ADGRL3: variants seen among roughly 807,000 people sequenced by gnomAD.
ADGRL3 encodes the protein calcium-independent alpha-latrotoxin receptor 3.
ADGRL3 carries 62 observed loss-of-function variants against 153.5 expected under a neutral mutation model. That is an observed-to-expected ratio of 0.40 (90% CI 0.33 to 0.50). The LOEUF (loss-of-function observed/expected upper bound fraction) is 0.50. Among genes scored for constraint, ADGRL3 ranks in the 20% least tolerant of loss-of-function variants. The pLI is 0.47. For missense variants in ADGRL3, 1,641 were observed against 1,859.4 expected, an observed-to-expected ratio of 0.88 and a Z score of 2.16; for synonymous variants, 710 against 672.5, an observed-to-expected ratio of 1.06 and a Z score of -0.86.
intron 1 of ADGRL3, among the ~76,000 whole-genome samples, chr4:61,373,038 C>T (rs2096557696): frequency 6.6e-6 from 1 of 152,220 alleles, no homozygotes; most frequent in South Asian, 2.1e-4. Context: ...AGGGAACTCC[C>T]TGACCCCTTG....
intron 21 of ADGRL3, among the ~76,000 whole-genome samples, chr4:62,003,219 G>T (rs1433704340): frequency 6.6e-6 from 1 of 152,082 alleles, no homozygotes; most frequent in Admixed American, 6.6e-5. Context: ...TCTGCATAAA[G>T]ACTTATGATG....
chr4:61,587,472 C>T lies in ADGRL3; in HGVS notation c.473+32C>T, dbSNP rs2098950841. On this transcript the variant is annotated intron_variant, in intron 5 of 26. Coordinates refer to ENST00000683033, the MANE Select transcript of ADGRL3 (RefSeq NM_001387552.1). ...TACTTCTAATATTCTTTTCTTTGTG[C>T]ACAATATAAACCTTCAACATCAATC... 3 of 1,478,724 alleles carry T rather than the reference C, an allele frequency of 2.0e-6. No homozygotes were observed. The East Asian group carries it at 6.8e-5, about 34-fold the overall frequency. 91.6% of individuals were successfully genotyped at this position (1,478,724 alleles called of 1,614,324 possible).
intron 8 of ADGRL3, among the ~76,000 whole-genome samples, chr4:61,759,358 G>T (rs2096880160): frequency 6.6e-6 from 1 of 151,938 alleles, no homozygotes; most frequent in South Asian, 2.1e-4. Flanking sequence ...TTTCTTGGAG[G>T]CTTTGTTCAT....
At chr4:61,824,365 G>A (rs1405797519) in intron 9 of ADGRL3, among the ~76,000 whole-genome samples, 1 of 152,100 alleles carries the variant, frequency 6.6e-6, no homozygotes, top group Non-Finnish European at 1.5e-5. Context: ...GCAAAAAGAG[G>A]TCAGGCATTC....
chr4:61,212,348 T>C (rs1460019693), intron 1 of ADGRL3: 3 of 152,244 alleles, frequency 2.0e-5, no homozygotes, highest in Non-Finnish European at 2.9e-5. Context: ...TGAGAATATA[T>C]GTTTATTCAA....
intron 5 of ADGRL3, among the ~76,000 whole-genome samples, chr4:61,594,562 T>G (rs902024304): frequency 1.3e-5 from 2 of 152,134 alleles, no homozygotes; most frequent in African/African-American, 4.8e-5. Context: ...CTGAAAGAAT[T>G]ATCTCACTTA....
At chr4:61,653,170 T>TCACA (rs34273823) in intron 5 of ADGRL3, among the ~76,000 whole-genome samples, 157 of 91,080 alleles carry the variant, frequency 1.7e-3, no homozygotes, top group Non-Finnish European at 2.1e-3. Flanking sequence ...TCTCTCTCTC[T>TCACA]CACACACACA....
At chr4:61,248,513 G>C (rs1408339480) in intron 1 of ADGRL3, among the ~76,000 whole-genome samples, 1 of 151,996 alleles carries the variant, frequency 6.6e-6, no homozygotes, top group Non-Finnish European at 1.5e-5. Flanking sequence ...TTATAATATT[G>C]AATGTCTTTT....
At chr4:61,469,949 A>T (rs2152676962) in intron 2 of ADGRL3, among the ~76,000 whole-genome samples, 1 of 151,810 alleles carries the variant, frequency 6.6e-6, no homozygotes, top group African/African-American at 2.4e-5. Flanking sequence ...AAAAAAACAA[A>T]CCCCCAGCAC....
At chr4:61,792,932 C>G (rs2097361387) in intron 8 of ADGRL3, among the ~76,000 whole-genome samples, 1 of 151,310 alleles carries the variant, frequency 6.6e-6, no homozygotes, top group Admixed American at 6.6e-5. Context: ...CTGTATGACT[C>G]TATTCTCACA....
At chr4:61,851,871 C>G (rs1372524566) in intron 9 of ADGRL3, among the ~76,000 whole-genome samples, 3 of 152,096 alleles carry the variant, frequency 2.0e-5, no homozygotes, top group Non-Finnish European at 4.4e-5. Flanking sequence ...ATAGCACTGT[C>G]AATATACGAT....
At chr4:61,731,256 T>C (rs1373325281) in intron 7 of ADGRL3, among the ~76,000 whole-genome samples, 1 of 152,074 alleles carries the variant, frequency 6.6e-6, no homozygotes, top group Non-Finnish European at 1.5e-5. Context: ...AGTAAAACTT[T>C]GGGCATTTTA....
intron 8 of ADGRL3, among the ~76,000 whole-genome samples, chr4:61,807,430 A>G (rs1425474390): frequency 1.3e-5 from 2 of 151,912 alleles, no homozygotes; most frequent in Non-Finnish European, 2.9e-5. Flanking sequence ...CAAAATTAAC[A>G]TTTGTCATTT....
rs34618045 is a variant in ADGRL3 at position 61,886,624 on chromosome 4, A to ATTTGTTTG, written c.1481-6002_1481-5995dup. ...TCTTCTCTTGTGAAGTTTAGACTAC[A>ATTTGTTTG]TTTGTTTGTTTGTTTGTTTGTTTGT... On this transcript the variant is annotated intron_variant, in intron 9 of 26. Coordinates refer to ENST00000683033, the MANE Select transcript of ADGRL3 (RefSeq NM_001387552.1). Among the ~76,000 whole-genome samples, 1,055 of 149,128 alleles carry ATTTGTTTG rather than the reference A, an allele frequency of 7.1e-3. 10 individuals carry two copies. The highest frequency in any genetic ancestry group is 0.021 in the Middle Eastern group (6 of 284).
intron 8 of ADGRL3, among the ~76,000 whole-genome samples, chr4:61,757,775 T>G (rs902552469): frequency 1.3e-5 from 2 of 152,234 alleles, no homozygotes; most frequent in Non-Finnish European, 2.9e-5. Flanking sequence ...TAAATTTCCC[T>G]CTACACACTG....
At chr4:61,390,879 A>G (rs759901431) in intron 2 of ADGRL3, among the ~76,000 whole-genome samples, 5 of 152,072 alleles carry the variant, frequency 3.3e-5, no homozygotes, top group Non-Finnish European at 7.4e-5. Flanking sequence ...CTCCATTCCT[A>G]TGTATCGTAC....
intron 2 of ADGRL3, among the ~76,000 whole-genome samples, chr4:61,421,751 AGTAAAGTATT>A (rs1198438032): frequency 6.6e-6 from 1 of 152,176 alleles, no homozygotes; most frequent in Non-Finnish European, 1.5e-5. Context: ...TAGGGACTTT[AGTAAAGTATT>A]GTAATGACAG....
intron 1 of ADGRL3, among the ~76,000 whole-genome samples, chr4:61,379,998 C>T (rs1225890181): frequency 6.6e-5 from 10 of 151,836 alleles, no homozygotes; most frequent in African/African-American, 1.9e-4. Context: ...AATATCCATA[C>T]CAACCTCAGA....
At chr4:61,206,287 G>A (rs1452143590) in intron 1 of ADGRL3, among the ~76,000 whole-genome samples, 1 of 152,112 alleles carries the variant, frequency 6.6e-6, no homozygotes, top group Non-Finnish European at 1.5e-5. Context: ...ATTGTGGATG[G>A]TAATCCTACT....
Sources: allele counts gnomAD v4.1 joint callset (sites outside exome capture counted in the v4.1 genomes callset), GRCh38; gene constraint gnomAD v4.1.1; transcripts MANE v1.5; gene names NCBI Gene and HGNC (gene_info 2026-07-23, HGNC 2026-07-21).